The following CTIF variants were observed in gnomAD, a reference collection of about 807,000 sequenced individuals.
CTIF encodes CBP80/20-dependent translation initiation factor.
A neutral mutation model predicts 66.0 loss-of-function variants in CTIF; 21 were observed. The ratio of observed to expected loss-of-function variants is 0.32; its 90% CI spans 0.23 to 0.46. The LOEUF (loss-of-function observed/expected upper bound fraction) is 0.46. Among genes scored for constraint, CTIF ranks in the 20% least tolerant of loss-of-function variants. The probability of loss-of-function intolerance (pLI) is 1.00; values close to 1 mark genes in which losing one functional copy is unlikely to be tolerated. For missense variants in CTIF, 739 were observed against 812.7 expected (o/e 0.91, Z 1.10); for synonymous variants, 345 against 326.4 (o/e 1.06, Z -0.62).
chr18:48,571,864 G>A (rs1374344409), intron 1 of CTIF, among the ~76,000 whole-genome samples: 2 of 152,168 alleles, frequency 1.3e-5, no homozygotes, highest in African/African-American at 2.4e-5. Flanking sequence ...GAGATTTGGA[G>A]AAATTGGCTC....
At chr18:48,793,505 G>A (rs909657626) in intron 9 of CTIF, among the ~76,000 whole-genome samples, 6 of 152,130 alleles carry the variant, frequency 3.9e-5, no homozygotes, top group Middle Eastern at 3.4e-3. Flanking sequence ...AGTTTTTAGC[G>A]CCCACTATAT....
intron 9 of CTIF, among the ~76,000 whole-genome samples, chr18:48,791,419 C>T (rs988313989): frequency 3.3e-5 from 5 of 152,330 alleles, no homozygotes; most frequent in African/African-American, 1.2e-4. Context: ...GATAGACAGG[C>T]AGGGACACAG....
chr18:48,669,458 C>T (rs1327266896), intron 5 of CTIF, among the ~76,000 whole-genome samples: 1 of 151,918 alleles, frequency 6.6e-6, no homozygotes, highest in Non-Finnish European at 1.5e-5. Context: ...GAGGGAGGAA[C>T]TGTTACCATC....
At chr18:48,639,924 G>C (rs1180183452) in intron 3 of CTIF, among the ~76,000 whole-genome samples, 1 of 152,176 alleles carries the variant, frequency 6.6e-6, no homozygotes, top group African/African-American at 2.4e-5. Flanking sequence ...ATCTCCTGTT[G>C]CCCCCTACTG....
At chr18:48,611,300 G>T (rs756754617) in intron 1 of CTIF, among the ~76,000 whole-genome samples, 2 of 152,220 alleles carry the variant, frequency 1.3e-5, no homozygotes, top group Non-Finnish European at 2.9e-5. Context: ...CATGTCATGC[G>T]CCTGGCCCTG....
intron 1 of CTIF, among the ~76,000 whole-genome samples, chr18:48,558,575 C>A (rs989182267): frequency 6.6e-6 from 1 of 152,166 alleles, no homozygotes; most frequent in Non-Finnish European, 1.5e-5. Context: ...ATTGTAATTT[C>A]GAGTCACAAA....
Position 48,592,389 on chromosome 18 carries a change from C to T in CTIF, c.-28-27149C>T, listed in dbSNP as rs575173081. Reference sequence around the variant, plus strand: ...GCGCATGCCTGTAATCCCAGCTACTCGGGAGGCTGAGGCAAGAGAATCGCT... The same window carrying T: ...GCGCATGCCTGTAATCCCAGCTACTTGGGAGGCTGAGGCAAGAGAATCGCT... On this transcript the variant is annotated intron_variant, in intron 1 of 11. Transcript: ENST00000256413. 8.6e-5 allele frequency among the ~76,000 whole-genome samples: 13 copies of T among 151,056 alleles called. No individual in the cohort carries two copies. In the South Asian group the frequency reaches 2.1e-3, roughly 24 times the overall value.
chr18:48,862,806 G>C lies in CTIF; in HGVS notation c.*3247G>C, dbSNP rs566930536. Reference sequence around the variant, plus strand: ...AGCAGCCCCATGGGGTGCCCCAGACGCGGGCCTCCAAGAAGCCAAGTCCCA... The same window carrying C: ...AGCAGCCCCATGGGGTGCCCCAGACCCGGGCCTCCAAGAAGCCAAGTCCCA... On this transcript the variant is annotated 3_prime_UTR_variant, in exon 12 of 12. Coordinates refer to ENST00000256413, the MANE Select transcript of CTIF (RefSeq NM_014772.3). The C allele has an allele frequency of 1.3e-5, 2 of 152,408 alleles. No individual in the cohort carries two copies. The highest frequency in any genetic ancestry group is 4.1e-4 in the South Asian group (2 of 4,828). The allele number at this position is 152,408 out of a possible 1,614,324, so 9.4% of individuals were successfully genotyped here.
chr18:48,644,497 A>G (rs2090990476), intron 3 of CTIF, among the ~76,000 whole-genome samples: 1 of 152,230 alleles, frequency 6.6e-6, no homozygotes. Flanking sequence ...ACCAGCGTGT[A>G]TGTCTGTCTT....
intron 10 of CTIF, among the ~76,000 whole-genome samples, chr18:48,831,535 G>C (rs923861174): frequency 7.9e-5 from 12 of 152,214 alleles, no homozygotes; most frequent in African/African-American, 2.7e-4. Flanking sequence ...ATGTGCAGGG[G>C]GCACGAAGGG....
intron 7 of CTIF, among the ~76,000 whole-genome samples, chr18:48,749,925 G>A (rs1050224475): frequency 4.6e-5 from 7 of 152,210 alleles, no homozygotes; most frequent in East Asian, 3.9e-4. Flanking sequence ...GCGGAAGGGC[G>A]AGGGCCTTCC....
intron 10 of CTIF, among the ~76,000 whole-genome samples, chr18:48,819,957 G>A (rs2068448196): frequency 6.6e-6 from 1 of 152,100 alleles, no homozygotes; most frequent in South Asian, 2.1e-4. Context: ...AGTGCACTAG[G>A]GACAACGAGG....
intron 9 of CTIF, among the ~76,000 whole-genome samples, chr18:48,772,328 C>T (rs915973222): frequency 3.3e-5 from 5 of 152,060 alleles, no homozygotes; most frequent in Non-Finnish European, 5.9e-5. Context: ...TAAAATATAC[C>T]ATAAAATTCA....
rs183550452 is a variant in CTIF, at chr18:48,824,921, C to T, written c.1527+7545C>T. Among the ~76,000 whole-genome samples, 118 of 152,260 alleles carry T rather than the reference C, an allele frequency of 7.7e-4. 2 individuals carry two copies. In the East Asian group the frequency reaches 0.022, roughly 29 times the overall value. On this transcript the variant is annotated intron_variant, in intron 10 of 11. Coordinates refer to ENST00000256413, the MANE Select transcript of CTIF (RefSeq NM_014772.3). ...CCTCCCAAAGTGCTGAGATTACAGG[C>T]GTGAGCCACTGCACCCAGCCAAGCA...
At chr18:48,852,583 C>T (rs1489647167) in intron 10 of CTIF, among the ~76,000 whole-genome samples, 1 of 152,226 alleles carries the variant, frequency 6.6e-6, no homozygotes, top group Non-Finnish European at 1.5e-5. Context: ...TGGTGGAAGC[C>T]TCCCTTGGCT....
At chr18:48,550,076 T>G (rs917162787) in intron 1 of CTIF, among the ~76,000 whole-genome samples, 5 of 152,220 alleles carry the variant, frequency 3.3e-5, no homozygotes, top group African/African-American at 1.2e-4. Flanking sequence ...TAATTATTAC[T>G]TCTTAAGCCA....
chr18:48,555,976 T>C (rs2089010176), intron 1 of CTIF, among the ~76,000 whole-genome samples: 1 of 152,192 alleles, frequency 6.6e-6, no homozygotes, highest in Admixed American at 6.5e-5. Flanking sequence ...AAAAGTTTCC[T>C]TTTGCCAGGA....
At chr18:48,650,120 A>G (rs566068582) in intron 3 of CTIF, among the ~76,000 whole-genome samples, 4 of 152,382 alleles carry the variant, frequency 2.6e-5, no homozygotes, top group South Asian at 4.1e-4. Flanking sequence ...AGCTGGATGG[A>G]GAATGACTTT....
At chr18:48,719,710 C>G (rs1196165120) in intron 7 of CTIF, among the ~76,000 whole-genome samples, 2 of 152,210 alleles carry the variant, frequency 1.3e-5, no homozygotes, top group African/African-American at 2.4e-5. Flanking sequence ...TATAAGCAAG[C>G]ACCCTTCTCA....
Sources: allele counts gnomAD v4.1 joint callset (sites outside exome capture counted in the v4.1 genomes callset), GRCh38; gene constraint gnomAD v4.1.1; transcripts MANE v1.5; gene names NCBI Gene and HGNC (gene_info 2026-07-23, HGNC 2026-07-21).